The following GLI1 variants were observed in gnomAD, a reference collection of about 807,000 sequenced individuals.
GLI1 encodes GLI family zinc finger 1, also known as transcription activator GLI1.
In GLI1, 51 loss-of-function variants were observed where a neutral mutation model predicts 87.8. That is an observed-to-expected ratio of 0.58 (90% confidence interval 0.46 to 0.73). The LOEUF is 0.73. Ranked by LOEUF, GLI1 falls within the 30% of genes least tolerant of loss-of-function variation. The probability of loss-of-function intolerance (pLI) is 0.00; values close to 1 mark genes in which losing one functional copy is unlikely to be tolerated. For missense variants in GLI1, 1,292 were observed against 1,437.2 expected, an observed-to-expected ratio of 0.90 and a Z score of 1.63; for synonymous variants, 528 against 558.2, an observed-to-expected ratio of 0.95 and a Z score of 0.76.
At chr12:57,462,468 C>G (rs1434244478) in intron 1 of GLI1, among the ~76,000 whole-genome samples, 8 of 152,126 alleles carry the variant, frequency 5.3e-5, no homozygotes, top group South Asian at 2.1e-4. Flanking sequence ...CGCCCCACCC[C>G]ACCCTCATTC....
chr12:57,465,855 C>G lies in GLI1; in HGVS notation c.692C>G (p.Ser231Cys), dbSNP rs777659251. ...LEREEKREPE[S>C]VYETDCRWDG... Reference sequence around the variant, plus strand: ...AGAGAGGAGAAGCGTGAGCCTGAATCTGTGTATGAAACTGACTGCCGTTGG... The same window carrying G: ...AGAGAGGAGAAGCGTGAGCCTGAATGTGTGTATGAAACTGACTGCCGTTGG... Residue 231 changes from serine to cysteine, a missense_variant, in exon 7 of 12, where the codon TCT becomes TGT. Physicochemically the swap from Ser to Cys is moderately radical, Grantham distance 112. Transcript: ENST00000228682. 6 of 1,613,924 alleles carry G rather than the reference C, an allele frequency of 3.7e-6. No homozygotes were observed. In the Admixed American group the frequency reaches 1.0e-4, roughly 27 times the overall value.
In GLI1 at chr12:57,460,206, GA is replaced by G. The variant is rs137881595; in HGVS notation, c.-28+7del. 12,751 of 151,284 alleles carry G rather than the reference GA, an allele frequency of 0.084. 1,064 individuals carry two copies. Among genetic ancestry groups the G allele is most frequent in the African/African-American group, 0.22 (9,027 of 40,952 alleles). The allele number at this position is 151,284 out of a possible 1,614,324, so 9.4% of individuals were successfully genotyped here. On this transcript the variant is annotated splice_donor_region_variant and intron_variant, in intron 1 of 11. Transcript: ENST00000228682. ...GAGCCCAGCGCCCAGACAGAGGTGAGAAGGGGGGGCAGGCGGGGGACCACCT... is the reference window on the plus strand; with the variant it reads ...GAGCCCAGCGCCCAGACAGAGGTGAGAGGGGGGGCAGGCGGGGGACCACCT...
rs1164792355 is a variant in GLI1, at chr12:57,469,522, T to G, written c.1400T>G (p.Met467Arg). ...GCCAATACAGACAGTGGTGTGGAAA[T>G]GACTGGCAATGCAGGGGGCAGCACT... ...SAANTDSGVE[M>R]TGNAGGSTED... Residue 467 changes from methionine (M) to arginine (R), a missense_variant, in exon 11 of 12, where the codon ATG (methionine) becomes AGG (arginine). Met to Arg is a moderately conservative substitution (Grantham distance 91). Transcript: ENST00000228682. 10 of 1,614,146 alleles carry G rather than the reference T, an allele frequency of 6.2e-6. No individual in the cohort carries two copies. The highest frequency in any genetic ancestry group is 8.5e-6 in the Non-Finnish European group (10 of 1,180,026).
At chr12:57,461,622 G>C (rs748895238) in intron 1 of GLI1, among the ~76,000 whole-genome samples, 2 of 152,248 alleles carry the variant, frequency 1.3e-5, no homozygotes, top group South Asian at 4.1e-4. Flanking sequence ...GTGCTGAGAG[G>C]AGGAGGGAAG....
At position 57,465,207 on chromosome 12, in the gene GLI1, T is replaced by G. The variant is rs1171606761; in HGVS notation, c.486T>G (p.Gly162=). The change falls in exon 5 of 12, where the codon GGT becomes GGG. Residue 162 remains glycine, a synonymous_variant. Coordinates refer to ENST00000228682, the MANE Select transcript of GLI1 (RefSeq NM_005269.3). ...GTGGTCCCCATGACTCTGCCCGGGG[T>G]GGGATGATCCCACATCCTCAGTCCC... The part of the protein sequence containing the change: ...QPCGPHDSAR[G]GMIPHPQSRG... 1 of 1,613,178 alleles carries G rather than the reference T, an allele frequency of 6.2e-7. No homozygotes were observed. Among genetic ancestry groups the G allele is most frequent in the Admixed American group, 1.7e-5 (1 of 59,958 alleles).
intron 5 of GLI1, 73 bp downstream of exon 5, chr12:57,465,328 G>A: frequency 7.4e-7 from 1 of 1,347,882 alleles, no homozygotes; most frequent in Non-Finnish European, 1.0e-6. Context: ...GTAGGGGAAA[G>A]GTGAAGGAAG....
intron 10 of GLI1, among the ~76,000 whole-genome samples, chr12:57,468,794 G>A (rs972730117): frequency 3.3e-5 from 5 of 151,856 alleles, no homozygotes; most frequent in Non-Finnish European, 7.4e-5. Flanking sequence ...TCGCTCTGTT[G>A]CCCAGGCTGG....
rs781723374 is a variant in GLI1, at chr12:57,469,601, C to T, written c.1479C>T (p.Ser493=). ...CTTGCATTGCTGGCACTGGTCTGTCCACTCTTCGCCGCCTTGAGAACCTCA... is the reference window on the plus strand; with the variant it reads ...CTTGCATTGCTGGCACTGGTCTGTCTACTCTTCGCCGCCTTGAGAACCTCA... The part of the protein sequence containing the change: ...EGPCIAGTGL[S]TLRRLENLRL... The change falls in exon 11 of 12, where the codon TCC becomes TCT. Residue 493 remains serine, a synonymous_variant. Transcript: ENST00000228682. 57 of 1,614,046 alleles carry T rather than the reference C, an allele frequency of 3.5e-5. No individual in the cohort carries two copies. Among genetic ancestry groups the T allele is most frequent in the Admixed American group, 6.7e-5 (4 of 60,004 alleles).
chr12:57,463,113 G>A (rs1209759697), intron 1 of GLI1, among the ~76,000 whole-genome samples: 2 of 152,062 alleles, frequency 1.3e-5, no homozygotes, highest in African/African-American at 4.8e-5. Flanking sequence ...CCCAGGCAAA[G>A]CTCCCACCCA....
In GLI1 at chr12:57,467,402, G is replaced by C. The variant is rs1423191974; in HGVS notation, c.982G>C (p.Glu328Gln). ...LKTHLRSHTG[E>Q]KPYMCEHEGC... ...GACGCACCTGCGGTCACACACGGGT[G>C]AGAAGCCATACATGTGTGAGCACGA... Residue 328 changes from glutamate (E) to glutamine (Q), a missense_variant, in exon 9 of 12, where the codon GAG becomes CAG. By Grantham distance (29) the Glu-to-Gln change is conservative. Around this residue, in one of 3 missense-constraint regions of GLI1, gnomAD observed 897 missense variants for 1,040.7 expected, o/e 0.86. Transcript: ENST00000228682. 1 of 1,613,272 alleles carries C rather than the reference G, an allele frequency of 6.2e-7. No homozygotes were observed. The highest frequency in any genetic ancestry group is 1.7e-5 in the Admixed American group (1 of 59,996).
At chr12:57,461,107 C>T (rs757179371) in intron 1 of GLI1, among the ~76,000 whole-genome samples, 7 of 152,130 alleles carry the variant, frequency 4.6e-5, no homozygotes, top group Non-Finnish European at 1.0e-4. Context: ...GTCCCATGAC[C>T]CCGAAACAAT....
chr12:57,462,051 C>T (rs1039125253), intron 1 of GLI1, among the ~76,000 whole-genome samples: 32 of 152,212 alleles, frequency 2.1e-4, no homozygotes, highest in African/African-American at 7.5e-4. Flanking sequence ...CTTGGAGGCT[C>T]TTCGGCAGCT....
intron 10 of GLI1, 82 bp downstream of exon 10, chr12:57,468,306 T>G: frequency 1.2e-6 from 1 of 837,276 alleles, no homozygotes; most frequent in Non-Finnish European, 1.9e-6. Context: ...AACCCATCCA[T>G]TCCCTCCTAT....
At chr12:57,460,939 C>G (rs1336179185) in intron 1 of GLI1, among the ~76,000 whole-genome samples, 1 of 152,136 alleles carries the variant, frequency 6.6e-6, no homozygotes, top group Non-Finnish European at 1.5e-5. Flanking sequence ...GAGCCAGCCG[C>G]AGGGAGACCC....
Position 57,471,640 on chromosome 12 carries a change from C to T in GLI1, c.2900C>T (p.Pro967Leu), listed in dbSNP as rs1871958681. 6.2e-7 allele frequency: 1 copy of T among 1,613,596 alleles called. No individual in the cohort carries two copies. Among genetic ancestry groups the T allele is most frequent in the East Asian group, 2.2e-5 (1 of 44,876 alleles). Reference protein sequence around the residue: ...PNHKSGSYPTPSPCHENFVVG... With the variant: ...PNHKSGSYPTLSPCHENFVVG... Reference sequence around the variant, plus strand: ...CACAAGTCAGGTTCCTATCCCACCCCTTCACCATGCCATGAAAATTTTGTA... The same window carrying T: ...CACAAGTCAGGTTCCTATCCCACCCTTTCACCATGCCATGAAAATTTTGTA... Residue 967 changes from proline to leucine, a missense_variant, in exon 12 of 12, where the codon CCT becomes CTT. Transcript: ENST00000228682. The surrounding 1 kb of genome is among the most constrained non-coding windows in gnomAD (Gnocchi z 4.9).
intron 1 of GLI1, among the ~76,000 whole-genome samples, chr12:57,460,775 G>A (rs980318971): frequency 6.6e-6 from 1 of 151,844 alleles, no homozygotes; most frequent in African/African-American, 2.4e-5. Context: ...AAGGGGGCTG[G>A]GGCGGGGGGG....
Position 57,464,732 on chromosome 12 carries a change from A to G in GLI1, c.253A>G (p.Ile85Val), listed in dbSNP as rs750276505. ...VKLTKKRALS[I>V]SPLSDASLDL... ...GTTGACCAAGAAGCGGGCACTGTCC[A>G]TCTCACCTCTGTCGGATGCCAGCCT... Residue 85 changes from isoleucine to valine, a missense_variant, in exon 4 of 12, where the codon ATC (isoleucine) becomes GTC (valine). Transcript: ENST00000228682. The G allele has an allele frequency of 1.2e-6, 2 of 1,613,950 alleles. No homozygotes were observed. Among genetic ancestry groups the G allele is most frequent in the Non-Finnish European group, 1.7e-6 (2 of 1,179,920 alleles).
In GLI1 at chr12:57,469,594, G is replaced by A. The variant is rs769033058; in HGVS notation, c.1472G>A (p.Gly491Asp). The A allele has an allele frequency of 6.2e-7, 1 of 1,614,136 alleles. No homozygotes were observed. Among genetic ancestry groups the A allele is most frequent in the Non-Finnish European group, 8.5e-7 (1 of 1,180,022 alleles). Residue 491 changes from glycine (G) to aspartate (D), a missense_variant, in exon 11 of 12, where the codon GGT (glycine) becomes GAT (aspartate). This residue lies in a region of GLI1 where 897 missense variants were observed against 1,040.7 expected (regional missense o/e 0.86). Transcript: ENST00000228682. ...LDEGPCIAGT[G>D]LSTLRRLENL... ...GAGGGACCTTGCATTGCTGGCACTG[G>A]TCTGTCCACTCTTCGCCGCCTTGAG...
rs760165946 is a variant in GLI1, at chr12:57,466,302, C to T, written c.825C>T (p.Cys275=). 6.2e-7 allele frequency: 1 copy of T among 1,614,002 alleles called. No homozygotes were observed. The highest frequency in any genetic ancestry group is 8.5e-7 in the Non-Finnish European group (1 of 1,179,928). The change falls in exon 8 of 12, where the codon TGC becomes TGT. Residue 275 remains cysteine (C), a synonymous_variant. Transcript: ENST00000228682. The part of the protein sequence containing the change: ...RKEFVCHWGG[C]SRELRPFKAQ... Reference sequence around the variant, plus strand: ...AGTTCGTGTGCCACTGGGGGGGCTGCTCCAGGGAGCTGAGGCCCTTCAAAG... The same window carrying T: ...AGTTCGTGTGCCACTGGGGGGGCTGTTCCAGGGAGCTGAGGCCCTTCAAAG...
Sources: gnomAD v4.1 joint callset for allele counts (sites outside exome capture counted in the v4.1 genomes callset) on GRCh38, gnomAD v4.1.1 for gene constraint, gnomAD v4.1.1 regional missense constraint, Gnocchi (gnomAD v3.1) non-coding constraint, MANE v1.5 for transcripts, NCBI Gene and HGNC (gene_info 2026-07-23, HGNC 2026-07-21) for gene names.